The following POU2AF2 variants were observed in gnomAD, a reference collection of about 807,000 sequenced individuals.
The protein encoded by POU2AF2 is POU class 2 homeobox associating factor 2, also known as POU domain class 2-associating factor 2.
chr11:111,268,899 T>C, the POU2AF2 span, among the ~76,000 whole-genome samples: 1 of 152,078 alleles, frequency 6.6e-6, no homozygotes, highest in African/African-American at 2.4e-5. Context: ...CATATTATCT[T>C]TATTTTTCTT....
chr11:111,261,225 T>C, the POU2AF2 span, among the ~76,000 whole-genome samples: 1 of 151,850 alleles, frequency 6.6e-6, no homozygotes, highest in South Asian at 2.1e-4. Flanking sequence ...CCAAGATATA[T>C]AAATGTGAGC....
At chr11:111,260,269 A>G in the POU2AF2 span, among the ~76,000 whole-genome samples, 1 of 152,212 alleles carries the variant, frequency 6.6e-6, no homozygotes, top group Non-Finnish European at 1.5e-5. Context: ...TTTGCAGCTG[A>G]CAGCATGAGT....
the POU2AF2 span, among the ~76,000 whole-genome samples, chr11:111,280,531 C>A: frequency 1.2e-4 from 18 of 152,238 alleles, no homozygotes; most frequent in East Asian, 3.5e-3. Context: ...CTGTGCTGCC[C>A]AGGACTTGAA....
the POU2AF2 span, among the ~76,000 whole-genome samples, chr11:111,248,496 T>C: frequency 2.6e-5 from 4 of 152,218 alleles, no homozygotes; most frequent in Admixed American, 1.3e-4. Flanking sequence ...TGGATTTTAA[T>C]TCTACTCTGT....
the POU2AF2 span, among the ~76,000 whole-genome samples, chr11:111,262,690 G>A: frequency 1.3e-5 from 2 of 152,134 alleles, no homozygotes; most frequent in Non-Finnish European, 2.9e-5. Flanking sequence ...ATGGTCTTGG[G>A]TAATTCCCTT....
chr11:111,255,198 C>T, the POU2AF2 span, among the ~76,000 whole-genome samples: 1 of 152,144 alleles, frequency 6.6e-6, no homozygotes, highest in Non-Finnish European at 1.5e-5. Context: ...TACAAACCGA[C>T]CTAAGTCTGG....
At chr11:111,265,272 C>T in the POU2AF2 span, among the ~76,000 whole-genome samples, 1 of 152,200 alleles carries the variant, frequency 6.6e-6, no homozygotes, top group Admixed American at 6.5e-5. Context: ...CCTCTGCTCC[C>T]AAAGCCTCCG....
chr11:111,253,095 C>T, the POU2AF2 span, among the ~76,000 whole-genome samples: 1 of 152,228 alleles, frequency 6.6e-6, no homozygotes, highest in Non-Finnish European at 1.5e-5. Flanking sequence ...CTTTATTCCC[C>T]TGGTTTTTCC....
the POU2AF2 span, among the ~76,000 whole-genome samples, chr11:111,246,032 T>C: frequency 1.3e-5 from 2 of 152,232 alleles, no homozygotes; most frequent in South Asian, 4.1e-4. Context: ...TTAGAACTCT[T>C]GGTAACATTT....
chr11:111,283,434 C>T, the POU2AF2 span, among the ~76,000 whole-genome samples: 1 of 151,982 alleles, frequency 6.6e-6, no homozygotes, highest in East Asian at 1.9e-4. Context: ...CATGAGGCCA[C>T]AAGAGGGCAG....
the POU2AF2 span, among the ~76,000 whole-genome samples, chr11:111,249,985 A>G: frequency 6.6e-6 from 1 of 152,174 alleles, no homozygotes; most frequent in Non-Finnish European, 1.5e-5. Flanking sequence ...ATAATTCTAA[A>G]GATGCTTCTT....
chr11:111,251,408 G>A, the POU2AF2 span, among the ~76,000 whole-genome samples: 2 of 152,236 alleles, frequency 1.3e-5, no homozygotes. Flanking sequence ...ATATTTGGAT[G>A]TGTGGAGTTT....
At chr11:111,285,926 C>G in the POU2AF2 span, 1 of 1,613,994 alleles carries the variant, frequency 6.2e-7, no homozygotes, top group Non-Finnish European at 8.5e-7. Flanking sequence ...AAATGACCTA[C>G]CGCCCAAGGT....
At chr11:111,277,570 T>G in the POU2AF2 span, among the ~76,000 whole-genome samples, 29 of 152,326 alleles carry the variant, frequency 1.9e-4, no homozygotes, top group African/African-American at 6.3e-4. Flanking sequence ...GCAGAGCCAC[T>G]CCAGCTGATA....
At chr11:111,279,798 T>A in the POU2AF2 span, among the ~76,000 whole-genome samples, 42 of 151,966 alleles carry the variant, frequency 2.8e-4, no homozygotes, top group African/African-American at 9.9e-4. Context: ...TTCCAGCAAT[T>A]TGGGAGGCCG....
chr11:111,286,002 A>C, the POU2AF2 span: 1 of 1,613,894 alleles, frequency 6.2e-7, no homozygotes, highest in African/African-American at 1.3e-5. Flanking sequence ...CCTTGGGTGA[A>C]AGAAGATGGG....
At chr11:111,247,191 C>CAGAGAGAG in the POU2AF2 span, among the ~76,000 whole-genome samples, 1,107 of 144,756 alleles carry the variant, frequency 7.6e-3, 10 homozygotes, top group South Asian at 0.032. Context: ...TACACACACA[C>CAGAGAGAG]AGAGAGAGAG....
chr11:111,278,445 T>C, the POU2AF2 span, among the ~76,000 whole-genome samples: 6 of 152,222 alleles, frequency 3.9e-5, no homozygotes, highest in African/African-American at 7.2e-5. Context: ...CCCTGTGTGA[T>C]GGCATTTGGA....
At chr11:111,268,336 T>C in the POU2AF2 span, among the ~76,000 whole-genome samples, 1 of 152,094 alleles carries the variant, frequency 6.6e-6, no homozygotes, top group African/African-American at 2.4e-5. Context: ...TAAAAATTAT[T>C]TTTCACCTCT....
Sources: allele counts gnomAD v4.1 joint callset (sites outside exome capture counted in the v4.1 genomes callset), GRCh38; gene constraint gnomAD v4.1.1; transcripts MANE v1.5; gene names NCBI Gene and HGNC (gene_info 2026-07-23, HGNC 2026-07-21).